Variants in MINDY4B observed in about 807,000 individuals in gnomAD.
The protein encoded by MINDY4B is MINDY family member 4B.
Under a neutral mutation model 16.7 loss-of-function variants are expected in MINDY4B, and 25 were observed. The ratio of observed to expected loss-of-function variants is 1.49; its 90% CI spans 1.09 to 2.09. The LOEUF (loss-of-function observed/expected upper bound fraction) is 2.09, where lower values mean the gene tolerates loss of function less well. MINDY4B is among the 30% of genes most tolerant of loss of function. The pLI, the probability that MINDY4B is intolerant of heterozygous loss-of-function variation, is 0.00. For missense variants in MINDY4B, 327 were observed against 168.4 expected (o/e 1.94, Z -5.21); for synonymous variants, 132 against 61.9 (o/e 2.13, Z -5.32).
intron 7 of MINDY4B, among the ~76,000 whole-genome samples, chr3:150,888,879 G>A (rs993575134): frequency 1.3e-5 from 2 of 152,142 alleles, no homozygotes; most frequent in African/African-American, 4.8e-5. Flanking sequence ...GGTGGAGGGG[G>A]TTCTTCCTAT....
chr3:150,890,649 G>T, intron 6 of MINDY4B: 1 of 489,898 alleles, frequency 2.0e-6, no homozygotes, highest in African/African-American at 1.9e-5. Flanking sequence ...TTTCCTAATA[G>T]GTGAAATTTA....
chr3:150,901,344 T>C (rs1712110488), intron 3 of MINDY4B: 1 of 152,158 alleles, frequency 6.6e-6, no homozygotes, highest in African/African-American at 2.4e-5. Context: ...AGCGATTAAG[T>C]ATCTATATAA....
At chr3:150,883,573 G>A (rs878866490) in intron 9 of MINDY4B, 127 bp downstream of exon 9, 14 of 628,986 alleles carry the variant, frequency 2.2e-5, no homozygotes, top group Non-Finnish European at 2.3e-5. Flanking sequence ...TACTTAAGGA[G>A]AGAATATATT....
At chr3:150,903,932 G>A (rs141039441) in intron 2 of MINDY4B, among the ~76,000 whole-genome samples, 1,551 of 151,388 alleles carry the variant, frequency 0.01, 27 homozygotes, top group African/African-American at 0.035. Flanking sequence ...ATTTCTTTTC[G>A]CTTTTCTTGA....
intron 8 of MINDY4B, among the ~76,000 whole-genome samples, chr3:150,885,113 C>T (rs1022234728): frequency 6.6e-6 from 1 of 152,096 alleles, no homozygotes; most frequent in Non-Finnish European, 1.5e-5. Context: ...TGTTGTCCAC[C>T]AATATTTACA....
intron 3 of MINDY4B, among the ~76,000 whole-genome samples, chr3:150,897,533 G>C (rs754396253): frequency 2.0e-5 from 3 of 152,160 alleles, no homozygotes; most frequent in Non-Finnish European, 4.4e-5. Flanking sequence ...CCTCTTCCCA[G>C]CTGTGCATGG....
intron 8 of MINDY4B, among the ~76,000 whole-genome samples, chr3:150,884,230 G>C (rs1711570423): frequency 6.6e-6 from 1 of 152,230 alleles, no homozygotes; most frequent in Admixed American, 6.5e-5. Context: ...AGCTTCCACT[G>C]TTATGTCAGG....
intron 10 of MINDY4B, among the ~76,000 whole-genome samples, chr3:150,882,243 C>T (rs1711531626): frequency 2.0e-5 from 3 of 152,116 alleles, no homozygotes; most frequent in Admixed American, 2.0e-4. Context: ...CTTTGTCACT[C>T]TTCTTCTGTT....
At chr3:150,871,853 C>T (rs935104652) in intron 11 of MINDY4B, among the ~76,000 whole-genome samples, 6 of 152,144 alleles carry the variant, frequency 3.9e-5, no homozygotes, top group African/African-American at 1.4e-4. Flanking sequence ...TCCAACCAAC[C>T]AACCAACCGA....
chr3:150,901,117 G>A (rs913983479), intron 3 of MINDY4B: 4 of 152,118 alleles, frequency 2.6e-5, no homozygotes, highest in South Asian at 2.1e-4. Context: ...TTTCAGATAC[G>A]TGTAAATTTT....
At chr3:150,892,324 G>T (rs565477973) in intron 5 of MINDY4B, among the ~76,000 whole-genome samples, 1 of 152,244 alleles carries the variant, frequency 6.6e-6, no homozygotes, top group Non-Finnish European at 1.5e-5. Flanking sequence ...CTCCTTCCCT[G>T]TCCTGCTTCC....
chr3:150,881,308 C>G (rs1161085780), intron 10 of MINDY4B, among the ~76,000 whole-genome samples: 1 of 152,114 alleles, frequency 6.6e-6, no homozygotes, highest in Non-Finnish European at 1.5e-5. Flanking sequence ...CGCTTGAACC[C>G]AGGAGGCGGA....
At chr3:150,902,996 A>C (rs1300598373) in intron 3 of MINDY4B, among the ~76,000 whole-genome samples, 1 of 152,198 alleles carries the variant, frequency 6.6e-6, no homozygotes, top group Non-Finnish European at 1.5e-5. Context: ...TCACTCCCTC[A>C]AATTTCACTG....
intron 5 of MINDY4B, among the ~76,000 whole-genome samples, chr3:150,892,430 A>C (rs950625953): frequency 6.6e-6 from 1 of 152,250 alleles, no homozygotes; most frequent in Admixed American, 6.5e-5. Context: ...GGAAACTGGC[A>C]GTTCACAATC....
chr3:150,889,515 C>T (rs868348275), intron 7 of MINDY4B, among the ~76,000 whole-genome samples: 4 of 152,246 alleles, frequency 2.6e-5, no homozygotes, highest in African/African-American at 4.8e-5. Flanking sequence ...CTTAATATCC[C>T]TTTGCCATAT....
intron 5 of MINDY4B, among the ~76,000 whole-genome samples, chr3:150,892,257 C>A (rs1413696671): frequency 6.6e-6 from 1 of 152,212 alleles, no homozygotes; most frequent in Non-Finnish European, 1.5e-5. Flanking sequence ...AATCCATGCA[C>A]CCGAGCTCCC....
chr3:150,880,501 T>G (rs960325689), intron 10 of MINDY4B, among the ~76,000 whole-genome samples: 1 of 152,228 alleles, frequency 6.6e-6, no homozygotes, highest in Non-Finnish European at 1.5e-5. Flanking sequence ...ATCAAGCCCA[T>G]GGCATCTATT....
In MINDY4B at chr3:150,890,353, G is replaced by T; in HGVS notation, c.720C>A (p.Ala240=). 1 of 630,188 alleles carries T rather than the reference G, an allele frequency of 1.6e-6. No homozygotes were observed. The highest frequency in any genetic ancestry group is 2.8e-6 in the Non-Finnish European group (1 of 357,216). The allele number at this position is 630,188 out of a possible 1,614,324, so 39.0% of individuals were successfully genotyped here. A position where few individuals can be genotyped will look rare whatever the true frequency, so the allele number is the denominator to read the frequency against. The change falls in exon 7 of 12, where the codon GCC becomes GCA. Residue 240 remains alanine (A), a synonymous_variant. Coordinates refer to ENST00000465419, the MANE Select transcript of MINDY4B (RefSeq NM_001351281.2). ...LQLFEFLEKE[A]AEKFIYDHLL... ...AGTGATCGTAGATGAATTTCTCAGC[G>T]GCTTCTTTCTCTAAAAATTCAAACA... is the stretch of plus-strand genomic sequence containing the variant.
chr3:150,890,808 C>T (rs1303559270), intron 6 of MINDY4B, 130 bp downstream of exon 6: 2 of 602,736 alleles, frequency 3.3e-6, no homozygotes, highest in African/African-American at 3.7e-5. Flanking sequence ...TGGTACCTGC[C>T]TCTTTGGAAG....
Sources: gnomAD v4.1 joint callset for allele counts (sites outside exome capture counted in the v4.1 genomes callset) on GRCh38, gnomAD v4.1.1 for gene constraint, MANE v1.5 for transcripts, NCBI Gene and HGNC (gene_info 2026-07-23, HGNC 2026-07-21) for gene names.